Variants in PLEKHA3 observed in about 807,000 individuals in gnomAD.
PLEKHA3 encodes pleckstrin homology domain-containing family A member 3.
Under a neutral mutation model 39.2 loss-of-function variants are expected in PLEKHA3, and 19 were observed. That is an observed-to-expected ratio of 0.48 (90% CI 0.34 to 0.71). The LOEUF (loss-of-function observed/expected upper bound fraction) is 0.71, where lower values mean the gene tolerates loss of function less well. Ranked by LOEUF, PLEKHA3 falls within the 30% of genes least tolerant of loss-of-function variation. The pLI is 0.01. For missense variants in PLEKHA3, 253 were observed against 359.5 expected (o/e 0.70, Z 2.40); for synonymous variants, 97 against 118.6 (o/e 0.82, Z 1.18).
At chr2:178,485,804 G>C (rs369717529) in intron 2 of PLEKHA3, 47 bp downstream of exon 2, 2 of 1,401,726 alleles carry the variant, frequency 1.4e-6, no homozygotes, top group Non-Finnish European at 2.0e-6. Flanking sequence ...AGATAGTCAA[G>C]GGTTCTTCAG....
chr2:178,514,926 T>A lies in PLEKHA3; in HGVS notation c.*11039T>A, dbSNP rs896596448. The A allele has an allele frequency of 6.6e-6, 1 of 152,146 alleles. No homozygotes were observed. Among genetic ancestry groups the A allele is most frequent in the Non-Finnish European group, 1.5e-5 (1 of 68,028 alleles). 9.4% of individuals were successfully genotyped at this position (152,146 alleles called of 1,614,324 possible). A position where few individuals can be genotyped will look rare whatever the true frequency, so the allele number is the denominator to read the frequency against. On this transcript the variant is annotated 3_prime_UTR_variant, in exon 8 of 8. Transcript: ENST00000234453. ...AGGGGAAAAGGCACAGATTGCAACTTTTCTTTCCTGCTTTTGTGAATCAGG... is the reference window on the plus strand; with the variant it reads ...AGGGGAAAAGGCACAGATTGCAACTATTCTTTCCTGCTTTTGTGAATCAGG...
chr2:178,492,563 G>A lies in PLEKHA3; in HGVS notation c.314-1290G>A, dbSNP rs562175237. On this transcript the variant is annotated intron_variant, in intron 3 of 7. Coordinates refer to ENST00000234453, the MANE Select transcript of PLEKHA3 (RefSeq NM_019091.4). The stretch of plus-strand genomic sequence containing the variant: ...GGTGCAGCGCACCAGCATGGCACAT[G>A]TATACATATGTAACTAACCTGCACA... 3.3e-5 allele frequency among the ~76,000 whole-genome samples: 5 copies of A among 150,752 alleles called. No homozygotes were observed. In the East Asian group the frequency reaches 7.9e-4, roughly 24 times the overall value.
At chr2:178,491,545 G>T (rs1685347385) in intron 3 of PLEKHA3, among the ~76,000 whole-genome samples, 1 of 152,134 alleles carries the variant, frequency 6.6e-6, no homozygotes, top group Non-Finnish European at 1.5e-5. Context: ...ATACCCTTTG[G>T]TATCTTTTGA....
intron 2 of PLEKHA3, among the ~76,000 whole-genome samples, chr2:178,487,737 C>T (rs1271306968): frequency 6.6e-6 from 1 of 152,178 alleles, no homozygotes; most frequent in Non-Finnish European, 1.5e-5. Flanking sequence ...AGCCACTGTG[C>T]CTGGCCAATA....
In PLEKHA3 at chr2:178,486,412, A is replaced by G. The variant is rs535413988; in HGVS notation, c.157+655A>G. Among the ~76,000 whole-genome samples, 3 of 152,306 alleles carry G rather than the reference A, an allele frequency of 2.0e-5. No homozygotes were observed. In the East Asian group the frequency reaches 5.8e-4, roughly 29 times the overall value. ...TCAAAGAGAGTGAAGGAAAAACTAG[A>G]GCACCAGGGGAGTGACTGTTAAACT... On this transcript the variant is annotated intron_variant, in intron 2 of 7. Coordinates refer to ENST00000234453, the MANE Select transcript of PLEKHA3 (RefSeq NM_019091.4).
chr2:178,501,042 C>T lies in PLEKHA3; in HGVS notation c.660-19C>T, dbSNP rs181796181. 30 of 1,531,120 alleles carry T rather than the reference C, an allele frequency of 2.0e-5. No homozygotes were observed. In the Admixed American group the frequency reaches 4.9e-4, roughly 25 times the overall value. 94.8% of individuals were successfully genotyped at this position (1,531,120 alleles called of 1,614,324 possible). ...TTATGTAAGGCCTTACAATTTAATG[C>T]TTTTTACTTAATTTGCAGGAGTAGC... On this transcript the variant is annotated intron_variant, in intron 6 of 7. Coordinates refer to ENST00000234453, the MANE Select transcript of PLEKHA3 (RefSeq NM_019091.4).
chr2:178,494,107 G>A, intron 4 of PLEKHA3, 118 bp downstream of exon 4: 1 of 1,178,536 alleles, frequency 8.5e-7, no homozygotes, highest in East Asian at 2.5e-5. Flanking sequence ...GCTTTTCTGG[G>A]TTCTGCCTAC....
rs1203857989 is a variant in PLEKHA3 at position 178,510,106 on chromosome 2, C to T, written c.*6219C>T. 1 of 152,130 alleles carries T rather than the reference C, an allele frequency of 6.6e-6. No homozygotes were observed. The highest frequency in any genetic ancestry group is 1.5e-5 in the Non-Finnish European group (1 of 68,056). The allele number at this position is 152,130 out of a possible 1,614,324, so 9.4% of individuals were successfully genotyped here. ...GTCAGGCTGGTCTTGAACTCCTGAC[C>T]TCAGGTCATCTACCTGCCTTGGCCT... On this transcript the variant is annotated 3_prime_UTR_variant, in exon 8 of 8. Transcript: ENST00000234453.
At chr2:178,501,229 T>A in intron 7 of PLEKHA3, 53 bp downstream of exon 7, 2 of 1,278,890 alleles carry the variant, frequency 1.6e-6, no homozygotes, top group Non-Finnish European at 2.3e-6. Context: ...AAAATTACTG[T>A]GGGGCTCTGT....
chr2:178,487,440 C>CT (rs1553603893), intron 2 of PLEKHA3, among the ~76,000 whole-genome samples: 1 of 150,850 alleles, frequency 6.6e-6, no homozygotes, highest in African/African-American at 2.4e-5. Context: ...CTTTTCTTTT[C>CT]TTTTTTTGTT....
intron 3 of PLEKHA3, among the ~76,000 whole-genome samples, chr2:178,492,955 G>T (rs187826610): frequency 3.3e-5 from 5 of 152,284 alleles, no homozygotes; most frequent in African/African-American, 9.6e-5. Flanking sequence ...AAAGGAGAAA[G>T]AATAGGCTTA....
Position 178,485,677 on chromosome 2 carries a change from T to G in PLEKHA3, c.77T>G (p.Ile26Ser). ...QPRWFVLDNG[I>S]LSYYDSQDDV... is the part of the protein sequence containing the mutation. Reference sequence around the variant, plus strand: ...CGTTGGTTTGTTTTAGATAATGGAATCTTATCCTACTATGATTCACAAGAT... The same window carrying G: ...CGTTGGTTTGTTTTAGATAATGGAAGCTTATCCTACTATGATTCACAAGAT... Residue 26 changes from isoleucine (I) to serine (S), a missense_variant, in exon 2 of 8, where the codon ATC (isoleucine) becomes AGC (serine). This residue lies in a region of PLEKHA3 where 126 missense variants were observed against 222.7 expected (regional missense o/e 0.57). Coordinates refer to ENST00000234453, the MANE Select transcript of PLEKHA3 (RefSeq NM_019091.4). 1 of 1,613,812 alleles carries G rather than the reference T, an allele frequency of 6.2e-7. No homozygotes were observed. The highest frequency in any genetic ancestry group is 1.7e-4 in the Middle Eastern group (1 of 5,924).
chr2:178,494,098 CT>C, intron 4 of PLEKHA3, 109 bp downstream of exon 4: 1 of 1,303,010 alleles, frequency 7.7e-7, no homozygotes, highest in Non-Finnish European at 1.1e-6. Flanking sequence ...TTATTTTCAG[CT>C]TTTCTGGGTT....
At chr2:178,499,065 T>C in intron 5 of PLEKHA3, 146 bp from the exon 6 acceptor site, 1 of 653,308 alleles carries the variant, frequency 1.5e-6, no homozygotes. Context: ...GTTGCTTGAG[T>C]CTGTGAAAGA....
chr2:178,494,374 T>G (rs975878533), intron 4 of PLEKHA3, among the ~76,000 whole-genome samples: 11 of 152,218 alleles, frequency 7.2e-5, no homozygotes, highest in African/African-American at 2.4e-4. Flanking sequence ...CTTATCTTTA[T>G]GAAATAACTT....
chr2:178,497,626 A>T (rs1170925737), intron 5 of PLEKHA3, among the ~76,000 whole-genome samples: 1 of 152,220 alleles, frequency 6.6e-6, no homozygotes, highest in Non-Finnish European at 1.5e-5. Flanking sequence ...AATTGTAGAT[A>T]TGCTATAAAC....
At chr2:178,482,636 G>A (rs1178050348) in intron 1 of PLEKHA3, among the ~76,000 whole-genome samples, 1 of 151,780 alleles carries the variant, frequency 6.6e-6, no homozygotes, top group African/African-American at 2.4e-5. Flanking sequence ...TAAGCATGGT[G>A]TTGTGGAACC....
At chr2:178,499,332 G>A (rs1182216266) in intron 6 of PLEKHA3, 78 bp downstream of exon 6, 2 of 1,418,794 alleles carry the variant, frequency 1.4e-6, no homozygotes, top group Admixed American at 2.0e-5. Flanking sequence ...TTTAACAAGT[G>A]GTGTGGAATG....
chr2:178,499,555 A>G (rs947001324), intron 6 of PLEKHA3, among the ~76,000 whole-genome samples: 8 of 152,166 alleles, frequency 5.3e-5, no homozygotes, highest in African/African-American at 1.9e-4. Flanking sequence ...TTTTCCATCA[A>G]TGATAGACTG....
Sources: allele counts gnomAD v4.1 joint callset (sites outside exome capture counted in the v4.1 genomes callset), GRCh38; gene constraint gnomAD v4.1.1; regional missense constraint gnomAD v4.1.1; transcripts MANE v1.5; gene names NCBI Gene and HGNC (gene_info 2026-07-23, HGNC 2026-07-21).